Variants in DLGAP1 observed in about 807,000 individuals in gnomAD.
The protein encoded by DLGAP1 is DLG associated protein 1.
DLGAP1 carries 11 observed loss-of-function variants against 90.8 expected under a neutral mutation model. The ratio of observed to expected loss-of-function variants is 0.12; its 90% CI spans 0.08 to 0.20. The LOEUF (loss-of-function observed/expected upper bound fraction) is 0.20. DLGAP1 is among the 10% of genes least tolerant of loss of function. The probability of loss-of-function intolerance (pLI) is 1.00; values close to 1 mark genes in which losing one functional copy is unlikely to be tolerated. For missense variants in DLGAP1, 1,050 were observed against 1,333.8 expected, an observed-to-expected ratio of 0.79 and a Z score of 3.31; for synonymous variants, 558 against 540.7, an observed-to-expected ratio of 1.03 and a Z score of -0.44.
intron 2 of DLGAP1, among the ~76,000 whole-genome samples, chr18:4,080,733 C>T (rs749359184): frequency 1.3e-5 from 2 of 152,150 alleles, no homozygotes; most frequent in Admixed American, 6.5e-5. Flanking sequence ...CCTGTCTTGC[C>T]GCGATAACCC....
intron 1 of DLGAP1, among the ~76,000 whole-genome samples, chr18:4,316,746 T>C (rs2080537808): frequency 6.6e-6 from 1 of 152,206 alleles, no homozygotes; most frequent in Non-Finnish European, 1.5e-5. Context: ...TCTCACACTG[T>C]ACTGTGCCCC....
At chr18:4,055,047 T>C (rs2075193375) in intron 2 of DLGAP1, among the ~76,000 whole-genome samples, 1 of 152,168 alleles carries the variant, frequency 6.6e-6, no homozygotes, top group South Asian at 2.1e-4. Flanking sequence ...CTCAAGGAGA[T>C]TTTTAGTCAA....
At chr18:4,413,895 G>T (rs769342643) in intron 1 of DLGAP1, among the ~76,000 whole-genome samples, 1 of 152,104 alleles carries the variant, frequency 6.6e-6, no homozygotes, top group South Asian at 2.1e-4. Context: ...TCAAGAAAAC[G>T]GTTTTTGGAA....
At chr18:3,567,129 T>G (rs1174470687) in intron 9 of DLGAP1, among the ~76,000 whole-genome samples, 2 of 152,084 alleles carry the variant, frequency 1.3e-5, no homozygotes, top group African/African-American at 4.8e-5. Flanking sequence ...TATTAAGTGT[T>G]GGGAATAGAA....
At chr18:3,629,441 G>A (rs1237641960) in intron 7 of DLGAP1, among the ~76,000 whole-genome samples, 3 of 152,100 alleles carry the variant, frequency 2.0e-5, no homozygotes, top group African/African-American at 4.8e-5. Context: ...GGAGGCTGAG[G>A]CGGGCGGATC....
chr18:3,583,248 CTG>C (rs1279389708), intron 7 of DLGAP1, among the ~76,000 whole-genome samples: 1 of 150,586 alleles, frequency 6.6e-6, no homozygotes, highest in Non-Finnish European at 1.5e-5. Context: ...CTCTGTCCCT[CTG>C]TGTTTCCCCA....
At chr18:3,621,826 G>T (rs1326327668) in intron 7 of DLGAP1, among the ~76,000 whole-genome samples, 1 of 152,074 alleles carries the variant, frequency 6.6e-6, no homozygotes, top group African/African-American at 2.4e-5. Context: ...AAATTAGCTG[G>T]GCATGGTGGC....
intron 1 of DLGAP1, among the ~76,000 whole-genome samples, chr18:4,221,536 T>G (rs1316392207): frequency 6.6e-6 from 1 of 152,074 alleles, no homozygotes; most frequent in East Asian, 1.9e-4. Context: ...CACCTACTCC[T>G]TTCTCTTTTT....
At chr18:3,837,678 G>A (rs1435606578) in intron 4 of DLGAP1, among the ~76,000 whole-genome samples, 1 of 151,442 alleles carries the variant, frequency 6.6e-6, no homozygotes, top group East Asian at 1.9e-4. Flanking sequence ...GTGAAACCCC[G>A]TCTCTACTAA....
At chr18:4,297,661 G>A (rs932566758) in intron 1 of DLGAP1, among the ~76,000 whole-genome samples, 1 of 152,100 alleles carries the variant, frequency 6.6e-6, no homozygotes, top group African/African-American at 2.4e-5. Context: ...TAGACAGCAC[G>A]GGAGAGATCT....
chr18:4,248,249 C>G (rs1334150471), intron 1 of DLGAP1, among the ~76,000 whole-genome samples: 1 of 152,016 alleles, frequency 6.6e-6, no homozygotes, highest in East Asian at 1.9e-4. Flanking sequence ...CTTTAAAGCT[C>G]AAAGGAAATA....
rs200480488 is a variant in DLGAP1 at position 3,879,988 on chromosome 18, G to A, written c.81C>T (p.Ser27=). ...GGCTCAGCAGGTAGGGCTTGCGGTC[G>A]GAGTGGTGCGACAGCGAGTCACAGG... ...DSACDSLSHH[S]DRKPYLLSPV... Residue 27 remains serine (S), a synonymous_variant, in exon 4 of 13, where the codon TCC becomes TCT. Coordinates refer to ENST00000315677, the MANE Select transcript of DLGAP1 (RefSeq NM_004746.4). This position sits in a 1 kb window ranked among gnomAD's most constrained non-coding sequence, Gnocchi z 6.6. 13 of 1,611,644 alleles carry A rather than the reference G, an allele frequency of 8.1e-6. No homozygotes were observed. The highest frequency in any genetic ancestry group is 1.1e-5 in the Non-Finnish European group (13 of 1,179,950).
chr18:3,583,180 A>ACCTTCCTTCCTTCCTTCCTT (rs1447719277), intron 7 of DLGAP1, among the ~76,000 whole-genome samples: 2 of 132,804 alleles, frequency 1.5e-5, no homozygotes, highest in African/African-American at 6.3e-5. Context: ...CTACCTACCT[A>ACCTTCCTTCCTTCCTTCCTT]CCTACCTTCC....
At chr18:3,541,369 G>A (rs1224977438) in intron 9 of DLGAP1, among the ~76,000 whole-genome samples, 3 of 152,164 alleles carry the variant, frequency 2.0e-5, no homozygotes, top group Non-Finnish European at 4.4e-5. Context: ...AATTTGAAAC[G>A]CCTGAATGCC....
chr18:3,498,995 C>T lies in DLGAP1; in HGVS notation c.*190G>A, dbSNP rs2049786543. On this transcript the variant is annotated 3_prime_UTR_variant, in exon 13 of 13. Coordinates refer to ENST00000315677, the MANE Select transcript of DLGAP1 (RefSeq NM_004746.4). ...CTCGGTGAAGAAGGAGATGGGCAAA[C>T]GGGTACGGGAAGTGGGGGGCTGAGG... The T allele has an allele frequency of 1.8e-6, 1 of 559,170 alleles. No individual in the cohort carries two copies. The highest frequency in any genetic ancestry group is 3.1e-6 in the Non-Finnish European group (1 of 324,396). The allele number at this position is 559,170 out of a possible 1,614,324, so 34.6% of individuals were successfully genotyped here. A position where few individuals can be genotyped will look rare whatever the true frequency, so the allele number is the denominator to read the frequency against.
At chr18:3,597,442 C>A (rs541621231) in intron 7 of DLGAP1, 36 of 357,962 alleles carry the variant, frequency 1.0e-4, no homozygotes, top group Admixed American at 6.2e-4. Context: ...CACTTATTGC[C>A]AATTCTTGCT....
intron 2 of DLGAP1, among the ~76,000 whole-genome samples, chr18:4,135,378 A>C (rs557008038): frequency 4.6e-5 from 7 of 152,142 alleles, no homozygotes; most frequent in African/African-American, 1.7e-4. Context: ...TAGGCCCTAA[A>C]CATGGTCAAT....
chr18:3,515,983 A>G (rs1439893366), intron 10 of DLGAP1, among the ~76,000 whole-genome samples: 1 of 152,128 alleles, frequency 6.6e-6, no homozygotes, highest in Non-Finnish European at 1.5e-5. Flanking sequence ...AAGTTTGATC[A>G]TGAAATTATA....
chr18:3,753,535 G>A (rs1391118860), intron 5 of DLGAP1, among the ~76,000 whole-genome samples: 1 of 152,154 alleles, frequency 6.6e-6, no homozygotes, highest in Non-Finnish European at 1.5e-5. Flanking sequence ...AAGACCTAGG[G>A]AACTTGAAAA....
Sources: gnomAD v4.1 joint callset for allele counts (sites outside exome capture counted in the v4.1 genomes callset) on GRCh38, gnomAD v4.1.1 for gene constraint, Gnocchi (gnomAD v3.1) non-coding constraint, MANE v1.5 for transcripts, NCBI Gene and HGNC (gene_info 2026-07-23, HGNC 2026-07-21) for gene names.